The following ZNF385B variants were observed in gnomAD, a reference collection of about 807,000 sequenced individuals.
ZNF385B encodes zinc finger protein 385B.
Under a neutral mutation model 39.2 loss-of-function variants are expected in ZNF385B, and 23 were observed. The ratio of observed to expected loss-of-function variants is 0.59; its 90% CI spans 0.42 to 0.83. The LOEUF (loss-of-function observed/expected upper bound fraction) is 0.83, where lower values mean the gene tolerates loss of function less well. Among genes scored for constraint, ZNF385B ranks in the 40% least tolerant of loss-of-function variants. The pLI is 0.00. For missense variants in ZNF385B, 552 were observed against 598.9 expected, an observed-to-expected ratio of 0.92 and a Z score of 0.82; for synonymous variants, 205 against 222.6, an observed-to-expected ratio of 0.92 and a Z score of 0.70.
intron 3 of ZNF385B, among the ~76,000 whole-genome samples, chr2:179,573,582 G>T (rs976419349): frequency 6.6e-6 from 1 of 151,874 alleles, no homozygotes. Context: ...GTAAAGTTAG[G>T]TCTTTTTAAA....
intron 1 of ZNF385B, among the ~76,000 whole-genome samples, chr2:179,779,575 G>A (rs34437984): frequency 0.12 from 18,729 of 152,298 alleles, 1,365 homozygotes; most frequent in Middle Eastern, 0.25. Flanking sequence ...ATGTGGACAA[G>A]TTCAGGACTA....
rs546062608 is a variant in ZNF385B at position 179,460,337 on chromosome 2, C to A, written c.716-13567G>T. On this transcript the variant is annotated intron_variant, in intron 6 of 9. Transcript: ENST00000410066. ...CACTCAGTCCTGGGTGTAGGCCAAG[C>A]TAACCATGGCAGGAATTTAGTTTAC... Among the ~76,000 whole-genome samples, 6 of 152,208 alleles carry A rather than the reference C, an allele frequency of 3.9e-5. No individual in the cohort carries two copies. In the East Asian group the frequency reaches 1.2e-3, roughly 29 times the overall value.
intron 1 of ZNF385B, among the ~76,000 whole-genome samples, chr2:179,812,178 A>T (rs923753651): frequency 7.4e-5 from 11 of 149,402 alleles, no homozygotes; most frequent in Non-Finnish European, 1.5e-4. Context: ...GGGAATGCTT[A>T]TACACTGTTG....
intron 3 of ZNF385B, among the ~76,000 whole-genome samples, chr2:179,623,370 A>T (rs531935652): frequency 6.6e-6 from 1 of 152,188 alleles, no homozygotes; most frequent in African/African-American, 2.4e-5. Context: ...TACACTTCTC[A>T]CTATGAGAGC....
rs146801285 is a variant in ZNF385B at position 179,665,336 on chromosome 2, T to C, written c.298+104167A>G. On this transcript the variant is annotated intron_variant, in intron 3 of 9. Coordinates refer to ENST00000410066, the MANE Select transcript of ZNF385B (RefSeq NM_152520.6). Reference sequence around the variant, plus strand: ...TGTAGTATCTGCATCTCTGCATCCATATAGATGAGCATCAGAAGCTTTCAG... The same window carrying C: ...TGTAGTATCTGCATCTCTGCATCCACATAGATGAGCATCAGAAGCTTTCAG... Among the ~76,000 whole-genome samples, 460 of 152,354 alleles carry C rather than the reference T, an allele frequency of 3.0e-3. 5 individuals are homozygous for C. Among genetic ancestry groups the C allele is most frequent in the African/African-American group, 0.01 (428 of 41,580 alleles).
intron 3 of ZNF385B, among the ~76,000 whole-genome samples, chr2:179,558,850 G>A (rs1348673707): frequency 1.3e-5 from 2 of 152,170 alleles, no homozygotes; most frequent in African/African-American, 4.8e-5. Context: ...TGGCAGCCAA[G>A]GTTGCTGTGC....
chr2:179,709,536 T>C (rs1699850052), intron 3 of ZNF385B, among the ~76,000 whole-genome samples: 1 of 152,110 alleles, frequency 6.6e-6, no homozygotes, highest in Non-Finnish European at 1.5e-5. Flanking sequence ...CACCTGGAAA[T>C]CAACAGGCAG....
chr2:179,477,856 T>C (rs913995694), intron 6 of ZNF385B, among the ~76,000 whole-genome samples: 2 of 151,996 alleles, frequency 1.3e-5, no homozygotes, highest in Non-Finnish European at 2.9e-5. Flanking sequence ...ATGTCCCGCA[T>C]AGAAATTAAG....
intron 4 of ZNF385B, among the ~76,000 whole-genome samples, chr2:179,522,222 A>G (rs2058555127): frequency 6.6e-6 from 1 of 152,208 alleles, no homozygotes; most frequent in Non-Finnish European, 1.5e-5. Flanking sequence ...GAGGGCTTTC[A>G]GATACCTTTT....
chr2:179,447,822 T>A (rs2049656718), intron 6 of ZNF385B, among the ~76,000 whole-genome samples: 1 of 152,148 alleles, frequency 6.6e-6, no homozygotes, highest in South Asian at 2.1e-4. Context: ...GCAACAGCAA[T>A]GTGGTGTGTG....
At chr2:179,683,440 T>C (rs1697686619) in intron 3 of ZNF385B, among the ~76,000 whole-genome samples, 1 of 151,608 alleles carries the variant, frequency 6.6e-6, no homozygotes, top group Non-Finnish European at 1.5e-5. Flanking sequence ...AGAAGCACAG[T>C]AGGACCGTTG....
At chr2:179,494,881 T>C (rs1339591631) in intron 5 of ZNF385B, among the ~76,000 whole-genome samples, 6 of 152,210 alleles carry the variant, frequency 3.9e-5, no homozygotes, top group Non-Finnish European at 5.9e-5. Flanking sequence ...TTCATATGAG[T>C]AATTAAAAAG....
intron 6 of ZNF385B, among the ~76,000 whole-genome samples, chr2:179,467,599 T>C (rs754449851): frequency 6.6e-6 from 1 of 152,182 alleles, no homozygotes; most frequent in Non-Finnish European, 1.5e-5. Context: ...CAGGCCCTTC[T>C]TATCCAGTGC....
intron 3 of ZNF385B, among the ~76,000 whole-genome samples, chr2:179,546,692 C>T (rs1286034388): frequency 6.6e-6 from 1 of 150,686 alleles, no homozygotes; most frequent in African/African-American, 2.5e-5. Flanking sequence ...CTTGGGAGTG[C>T]AGATATGTGT....
intron 4 of ZNF385B, among the ~76,000 whole-genome samples, chr2:179,539,844 C>T (rs948203562): frequency 2.0e-5 from 3 of 152,094 alleles, no homozygotes; most frequent in African/African-American, 7.2e-5. Flanking sequence ...GCTGATGTTT[C>T]TTGGTTTTTA....
At chr2:179,526,599 A>T (rs2058918478) in intron 4 of ZNF385B, among the ~76,000 whole-genome samples, 2 of 150,242 alleles carry the variant, frequency 1.3e-5, no homozygotes, top group Admixed American at 1.3e-4. Flanking sequence ...CTGTCTCAAG[A>T]AAAAAAGAGA....
intron 3 of ZNF385B, among the ~76,000 whole-genome samples, chr2:179,710,199 C>G (rs1306223390): frequency 1.3e-5 from 2 of 152,152 alleles, no homozygotes; most frequent in African/African-American, 2.4e-5. Context: ...CTCATCACCC[C>G]AGCGCTTACA....
rs577260840 is a variant in ZNF385B at position 179,843,098 on chromosome 2, C to A, written c.-155+18003G>T. On this transcript the variant is annotated intron_variant, in intron 1 of 9. Transcript: ENST00000410066. ...AGAAAATCAATCTCTCTCTTCCATT[C>A]TTTCATACCTTCCTGTTTACCTTCC... Among the ~76,000 whole-genome samples the A allele has an allele frequency of 3.5e-4, 53 of 152,322 alleles. 1 individual carries two copies. The highest frequency in any genetic ancestry group is 3.3e-3 in the Admixed American group (50 of 15,294).
At chr2:179,821,752 G>A (rs1707408891) in intron 1 of ZNF385B, among the ~76,000 whole-genome samples, 1 of 151,944 alleles carries the variant, frequency 6.6e-6, no homozygotes, top group African/African-American at 2.4e-5. Context: ...ACTATAGATT[G>A]CAGAATATGA....
Sources: gnomAD v4.1 joint callset for allele counts (sites outside exome capture counted in the v4.1 genomes callset) on GRCh38, gnomAD v4.1.1 for gene constraint, MANE v1.5 for transcripts, NCBI Gene and HGNC (gene_info 2026-07-23, HGNC 2026-07-21) for gene names.